The following AIFM3 variants were observed in gnomAD, a reference collection of about 807,000 sequenced individuals.
AIFM3 encodes AIF family member 3.
Under a neutral mutation model 82.7 loss-of-function variants are expected in AIFM3, and 71 were observed. The ratio of observed to expected loss-of-function variants is 0.86; its 90% CI spans 0.71 to 1.05. The LOEUF is 1.05. Among genes scored for constraint, AIFM3 ranks in the 50% least tolerant of loss-of-function variants. The pLI, the probability that AIFM3 is intolerant of heterozygous loss-of-function variation, is 0.00. For synonymous variants in AIFM3, 337 were observed against 329.1 expected (o/e 1.02, Z -0.26); for missense variants, 748 against 816.7 (o/e 0.92, Z 1.03).
intron 9 of AIFM3, 78 bp from the exon 10 acceptor site, chr22:20,976,137 T>C: frequency 6.8e-7 from 1 of 1,480,326 alleles, no homozygotes; most frequent in Non-Finnish European, 9.3e-7. Flanking sequence ...GGGCTGTGGG[T>C]GTACTGCAGG....
At chr22:20,969,931 A>G (rs373310289) in intron 2 of AIFM3, among the ~76,000 whole-genome samples, 31 of 152,076 alleles carry the variant, frequency 2.0e-4, no homozygotes, top group African/African-American at 7.5e-4. Context: ...TTCACTTTCT[A>G]TCTTGCTCCA....
intron 19 of AIFM3, 93 bp from the exon 20 acceptor site, chr22:20,980,654 G>C: frequency 6.4e-7 from 1 of 1,569,410 alleles, no homozygotes. Flanking sequence ...GCAGGCTTCA[G>C]GCTGGAAACA....
At chr22:20,979,966 C>CA in intron 18 of AIFM3, 54 bp from the exon 19 acceptor site, 1 of 1,544,414 alleles carries the variant, frequency 6.5e-7, no homozygotes. Flanking sequence ...TCAGGGTTTT[C>CA]AAAAAGGGGC....
intron 9 of AIFM3, 71 bp from the exon 10 acceptor site, chr22:20,976,144 C>T (rs1036283156): frequency 1.3e-5 from 20 of 1,529,270 alleles, no homozygotes; most frequent in Non-Finnish European, 1.7e-5. Context: ...GGGTGTACTG[C>T]AGGACCGGGG....
intron 16 of AIFM3, 50 bp downstream of exon 16, chr22:20,978,055 C>A: frequency 6.4e-7 from 1 of 1,563,656 alleles, no homozygotes; most frequent in South Asian, 1.1e-5. Context: ...GTCTCAGGGT[C>A]TCAGTGTCCC....
Position 20,981,124 on chromosome 22 carries a change from C to A in AIFM3, c.*93C>A. ...GTGCCAATCTCCAGTCCCAGGATCC[C>A]CCAGGGCAGAACCTGAGCCCTCCCA... On this transcript the variant is annotated 3_prime_UTR_variant, in exon 21 of 21. Coordinates refer to ENST00000440238, the MANE Select transcript of AIFM3 (RefSeq NM_001386814.1). The A allele has an allele frequency of 6.4e-7, 1 of 1,555,748 alleles. No individual in the cohort carries two copies. Among genetic ancestry groups the A allele is most frequent in the East Asian group, 2.3e-5 (1 of 42,672 alleles).
chr22:20,973,738 T>G lies in AIFM3; in HGVS notation c.246-20T>G. On this transcript the variant is annotated intron_variant, in intron 3 of 20. Transcript: ENST00000440238. ...TGTGCCTGGTGTCTGGCCTGACCTC[T>G]GAGTGCTGCGGTTCCCCAGGATGCG... 1 of 1,527,342 alleles carries G rather than the reference T, an allele frequency of 6.5e-7. No homozygotes were observed. Among genetic ancestry groups the G allele is most frequent in the Non-Finnish European group, 8.8e-7 (1 of 1,135,288 alleles). The allele number at this position is 1,527,342 out of a possible 1,614,324, so 94.6% of individuals were successfully genotyped here.
intron 2 of AIFM3, among the ~76,000 whole-genome samples, chr22:20,972,854 G>C (rs8138192): frequency 5.9e-5 from 9 of 152,092 alleles, no homozygotes; most frequent in Non-Finnish European, 1.2e-4. Context: ...AGACCAGCCT[G>C]GCCAACATGG....
rs1923261565 is a variant in AIFM3, at chr22:20,971,458, G to A, written c.32-1849G>A. ...GGGAGGGGACCTGGCCAGCGTGGAGGATTTAGCAGAGCATGAGATGATGGA... is the reference window on the plus strand; with the variant it reads ...GGGAGGGGACCTGGCCAGCGTGGAGAATTTAGCAGAGCATGAGATGATGGA... On this transcript the variant is annotated intron_variant, in intron 2 of 20. Coordinates refer to ENST00000440238, the MANE Select transcript of AIFM3 (RefSeq NM_001386814.1). Among the ~76,000 whole-genome samples the A allele has an allele frequency of 2.6e-5, 4 of 152,298 alleles. No homozygotes were observed. In the South Asian group the frequency reaches 8.3e-4, roughly 32 times the overall value.
At chr22:20,977,341 C>T (rs559644474) in intron 14 of AIFM3, 171 of 610,808 alleles carry the variant, frequency 2.8e-4, no homozygotes, top group East Asian at 1.4e-3. Flanking sequence ...CCATGCCCTG[C>T]GAGAGTTGAC....
Position 20,967,799 on chromosome 22 carries a change from C to T in AIFM3, c.-140-6C>T. The T allele has an allele frequency of 1.2e-6, 1 of 823,894 alleles. No homozygotes were observed. Among genetic ancestry groups the T allele is most frequent in the Non-Finnish European group, 2.0e-6 (1 of 488,504 alleles). The allele number at this position is 823,894 out of a possible 1,614,324, so 51.0% of individuals were successfully genotyped here. On this transcript the variant is annotated splice_region_variant and splice_polypyrimidine_tract_variant and intron_variant, in intron 1 of 20. Transcript: ENST00000440238. ...CCGGTCCTGATGGCTCCAGTCTCCC[C>T]TGCAGGTCCTAGAGCAGCTCCAGCA...
upstream of AIFM3, chr22:20,965,613 C>T (rs1424970861): frequency 6.5e-5 from 10 of 152,954 alleles, no homozygotes; most frequent in East Asian, 1.9e-4. Flanking sequence ...GAGCGCGGAG[C>T]CCCCACACTC....
Position 20,979,254 on chromosome 22 carries a change from G to A in AIFM3, c.1478-17G>A, listed in dbSNP as rs1258315617. On this transcript the variant is annotated splice_polypyrimidine_tract_variant and intron_variant, in intron 16 of 20. Coordinates refer to ENST00000440238, the MANE Select transcript of AIFM3 (RefSeq NM_001386814.1). Reference sequence around the variant, plus strand: ...TAAGAGCGAGAGTTAGGGTTCTCACGGCCCTGGGTCCCGCAGGGCGCGTGG... The same window carrying A: ...TAAGAGCGAGAGTTAGGGTTCTCACAGCCCTGGGTCCCGCAGGGCGCGTGG... The A allele has an allele frequency of 6.4e-7, 1 of 1,552,058 alleles. No homozygotes were observed.
At chr22:20,977,165 G>A (rs1370922639) in intron 14 of AIFM3, 70 bp downstream of exon 14, 1 of 1,597,980 alleles carries the variant, frequency 6.3e-7, no homozygotes, top group East Asian at 2.2e-5. Context: ...TGTGACCTTG[G>A]GCTAGTCCCT....
upstream of AIFM3, chr22:20,965,571 G>C (rs956355042): frequency 6.6e-6 from 1 of 152,490 alleles, no homozygotes; most frequent in Non-Finnish European, 1.5e-5. Context: ...AGAGTGGACA[G>C]AGGCTTGCCC....
upstream of AIFM3, among the ~76,000 whole-genome samples, chr22:20,965,877 C>CA (rs774738271): frequency 6.6e-6 from 1 of 152,150 alleles, no homozygotes; most frequent in Non-Finnish European, 1.5e-5. Context: ...GGGACAGACA[C>CA]AGACTCCTGC....
At position 20,973,849 on chromosome 22, in the gene AIFM3, G is replaced by A. The variant is rs762507118; in HGVS notation, c.337G>A (p.Gly113Ser). ...CCTGGGCCATAAGTGTCCGCACTAC[G>A]GCGCACCCCTGGTGAAAGGTGAGCT... ...HALGHKCPHY[G>S]APLVKGVLSR... Residue 113 changes from glycine to serine, a missense_variant, in exon 4 of 21, where the codon GGC (glycine) becomes AGC (serine). Coordinates refer to ENST00000440238, the MANE Select transcript of AIFM3 (RefSeq NM_001386814.1). 4.4e-5 allele frequency: 68 copies of A among 1,553,324 alleles called. No individual in the cohort carries two copies. In the Admixed American group the frequency reaches 8.1e-4, roughly 18 times the overall value.
At chr22:20,973,596 C>T (rs1923420371) in intron 3 of AIFM3, 76 bp downstream of exon 3, 10 of 1,412,756 alleles carry the variant, frequency 7.1e-6, no homozygotes, top group Admixed American at 3.0e-5. Flanking sequence ...AGCCGGGGGT[C>T]GGGGTTGGCC....
intron 2 of AIFM3, among the ~76,000 whole-genome samples, chr22:20,969,491 G>A (rs927214593): frequency 3.3e-5 from 5 of 151,898 alleles, no homozygotes; most frequent in Non-Finnish European, 7.4e-5. Context: ...GTGCAGTGGC[G>A]TGATCTCGGC....
Sources: gnomAD v4.1 joint callset for allele counts (sites outside exome capture counted in the v4.1 genomes callset) on GRCh38, gnomAD v4.1.1 for gene constraint, MANE v1.5 for transcripts, NCBI Gene and HGNC (gene_info 2026-07-23, HGNC 2026-07-21) for gene names.